Variants in ROBO2 observed in about 807,000 individuals in gnomAD.
The protein encoded by ROBO2 is roundabout homolog 2.
In ROBO2, 53 loss-of-function variants were observed where a neutral mutation model predicts 160.8. The observed-to-expected ratio is 0.33, with a 90% CI of 0.26 to 0.41. ROBO2 has a LOEUF of 0.41. ROBO2 is among the 10% of genes least tolerant of loss of function. The pLI is 1.00. For synonymous variants in ROBO2, 664 were observed against 611.7 expected (o/e 1.09, Z -1.26); for missense variants, 1,577 against 1,722.4 (o/e 0.92, Z 1.49).
chr3:77,571,445 T>G (rs2093634264), intron 13 of ROBO2, among the ~76,000 whole-genome samples: 1 of 152,124 alleles, frequency 6.6e-6, no homozygotes, highest in African/African-American at 2.4e-5. Flanking sequence ...TGCTTTCACT[T>G]ATATCAGTCA....
chr3:77,229,793 C>T (rs1264554443), intron 2 of ROBO2, among the ~76,000 whole-genome samples: 1 of 152,064 alleles, frequency 6.6e-6, no homozygotes, highest in Non-Finnish European at 1.5e-5. Context: ...GCCAATTTTT[C>T]TTCCTTCTAG....
At chr3:76,502,029 A>T (rs1165890525) in intron 2 of ROBO2, among the ~76,000 whole-genome samples, 3 of 152,166 alleles carry the variant, frequency 2.0e-5, no homozygotes, top group Non-Finnish European at 2.9e-5. Context: ...ATAATCTTTA[A>T]TATTCAAACA....
intron 2 of ROBO2, among the ~76,000 whole-genome samples, chr3:76,346,091 G>C (rs1240285729): frequency 6.6e-6 from 1 of 152,044 alleles, no homozygotes; most frequent in Non-Finnish European, 1.5e-5. Context: ...AAGCACTAAA[G>C]ATCAGCCTTG....
At chr3:76,555,418 A>AAGAAGAAGAAGAAGAAG (rs879848225) in intron 2 of ROBO2, among the ~76,000 whole-genome samples, 2 of 80,176 alleles carry the variant, frequency 2.5e-5, no homozygotes, top group East Asian at 4.7e-4. Context: ...GAAGAAGAAG[A>AAGAAGAAGAAGAAGAAG]AAGAAGGAGA....
chr3:76,104,740 G>A lies in ROBO2; in HGVS notation c.109+167138G>A, dbSNP rs561834968. 4.6e-5 allele frequency among the ~76,000 whole-genome samples: 7 copies of A among 152,236 alleles called. No homozygotes were observed. In the South Asian group the frequency reaches 1.0e-3, roughly 23 times the overall value. On this transcript the variant is annotated intron_variant, in intron 2 of 26. Transcript: ENST00000487694. ...AATTTCCTTTTAAAACATTTCTAGC[G>A]AGTATGATGGAGGGCTAATTAGATG... is the stretch of plus-strand genomic sequence containing the variant.
intron 1 of ROBO2, among the ~76,000 whole-genome samples, chr3:77,041,223 C>T (rs2064060502): frequency 6.6e-6 from 1 of 152,184 alleles, no homozygotes; most frequent in Non-Finnish European, 1.5e-5. Context: ...TGAACTTTGG[C>T]TGAGACATTC....
intron 6 of ROBO2, chr3:77,538,999 G>A: frequency 2.6e-6 from 1 of 391,318 alleles, no homozygotes; most frequent in South Asian, 1.9e-5. Flanking sequence ...CTCACTGCAA[G>A]CTCCGCCTCC....
At chr3:76,480,476 C>G (rs1460355710) in intron 2 of ROBO2, among the ~76,000 whole-genome samples, 3 of 152,040 alleles carry the variant, frequency 2.0e-5, no homozygotes, top group Non-Finnish European at 4.4e-5. Flanking sequence ...TTATCTTAGT[C>G]TATTGGGGTT....
intron 2 of ROBO2, among the ~76,000 whole-genome samples, chr3:76,288,314 G>C (rs1275298747): frequency 2.0e-5 from 3 of 152,040 alleles, no homozygotes; most frequent in Non-Finnish European, 4.4e-5. Flanking sequence ...TGAGAGCCCA[G>C]TAGTCTATTT....
chr3:76,630,365 A>G (rs1278633563), intron 2 of ROBO2, among the ~76,000 whole-genome samples: 7 of 152,198 alleles, frequency 4.6e-5, no homozygotes, highest in African/African-American at 1.7e-4. Flanking sequence ...TTGAACTGGA[A>G]TAAGCAAGTA....
intron 1 of ROBO2, among the ~76,000 whole-genome samples, chr3:77,062,061 A>T (rs1399435116): frequency 6.6e-6 from 1 of 152,170 alleles, no homozygotes; most frequent in Non-Finnish European, 1.5e-5. Flanking sequence ...TCTACATGTC[A>T]GTCAAAACTG....
intron 2 of ROBO2, among the ~76,000 whole-genome samples, chr3:76,065,732 AC>A (rs4054049): frequency 0.026 from 1,261 of 49,322 alleles, 20 homozygotes; most frequent in African/African-American, 0.12. Flanking sequence ...GCATATTTAA[AC>A]TAAATATATA....
At chr3:77,191,689 G>A (rs1254090566) in intron 2 of ROBO2, among the ~76,000 whole-genome samples, 3 of 152,298 alleles carry the variant, frequency 2.0e-5, no homozygotes, top group Admixed American at 2.0e-4. Context: ...CATTTAGTGA[G>A]AAAGGCCTCT....
At chr3:76,024,443 C>A (rs746233402) in intron 2 of ROBO2, among the ~76,000 whole-genome samples, 3 of 150,990 alleles carry the variant, frequency 2.0e-5, no homozygotes, top group Non-Finnish European at 3.0e-5. Context: ...ATGTATAGGT[C>A]ATTTGCAAGT....
chr3:76,866,702 C>T (rs9871625), intron 2 of ROBO2, among the ~76,000 whole-genome samples: 5,381 of 152,152 alleles, frequency 0.035, 207 homozygotes, highest in East Asian at 0.11. Context: ...AACTCTTGTT[C>T]TATGAAACTG....
rs145337687 is a variant in ROBO2 at position 76,796,821 on chromosome 3, G to A, written c.110-301193G>A. ...ATCTACATTTGGATCATACAAAATA[G>A]ACTTCAAGATAAAAACTGTAAAAGG... On this transcript the variant is annotated intron_variant, in intron 2 of 26. Coordinates refer to the ROBO2 transcript ENST00000487694. Among the ~76,000 whole-genome samples, 1,463 of 151,990 alleles carry A rather than the reference G, an allele frequency of 9.6e-3. 22 individuals carry two copies. Among genetic ancestry groups the A allele is most frequent in the African/African-American group, 0.033 (1,385 of 41,504 alleles).
chr3:76,918,355 C>G (rs1313281605), intron 2 of ROBO2, among the ~76,000 whole-genome samples: 1 of 152,174 alleles, frequency 6.6e-6, no homozygotes, highest in Non-Finnish European at 1.5e-5. Context: ...GAGGTGCCTT[C>G]TGCCATGATT....
At chr3:77,040,100 G>GT in exon 1 of ROBO2, 1 of 815,266 alleles carries the variant, frequency 1.2e-6, no homozygotes, top group Admixed American at 6.7e-5. Context: ...CCCTCACCAC[G>GT]TAGGAGTTCG....
chr3:76,457,939 G>A (rs2077862929), intron 2 of ROBO2, among the ~76,000 whole-genome samples: 1 of 152,038 alleles, frequency 6.6e-6, no homozygotes, highest in African/African-American at 2.4e-5. Context: ...ACACAGCACG[G>A]GAACCCTGGA....
Sources: gnomAD v4.1 joint callset for allele counts (sites outside exome capture counted in the v4.1 genomes callset) on GRCh38, gnomAD v4.1.1 for gene constraint, MANE v1.5 for transcripts, NCBI Gene and HGNC (gene_info 2026-07-23, HGNC 2026-07-21) for gene names.